Variants in CATSPERG observed in about 807,000 individuals in gnomAD.
CATSPERG encodes the protein cation channel sperm-associated auxiliary subunit gamma.
A neutral mutation model predicts 145.0 loss-of-function variants in CATSPERG; 115 were observed. The observed-to-expected ratio is 0.79, with a 90% CI of 0.68 to 0.93. The LOEUF (loss-of-function observed/expected upper bound fraction) is 0.93. Ranked by LOEUF, CATSPERG falls within the 40% of genes least tolerant of loss-of-function variation. The pLI, the probability that CATSPERG is intolerant of heterozygous loss-of-function variation, is 0.00. For synonymous variants in CATSPERG, 588 were observed against 589.0 expected (o/e 1.00, Z 0.02); for missense variants, 1,296 against 1,490.1 (o/e 0.87, Z 2.14).
chr19:38,370,241 G>A lies in CATSPERG; in HGVS notation c.3196G>A (p.Ala1066Thr), dbSNP rs745418941. Reference protein sequence around the residue: ...IHGLPLSPKRALFIIMVSASV... With the variant: ...IHGLPLSPKRTLFIIMVSASV... ...CGGGCTGCCACTCAGTCCCAAGCGG[G>A]CCCTTTTCATCATCATGGTGAGTGG... The change falls in exon 28 of 29, where the codon GCC (alanine) becomes ACC (threonine). Residue 1066 changes from alanine (A) to threonine (T), a missense_variant. Coordinates refer to ENST00000409235, the MANE Select transcript of CATSPERG (RefSeq NM_021185.5). 4.3e-6 allele frequency: 7 copies of A among 1,613,236 alleles called. No individual in the cohort carries two copies. The highest frequency in any genetic ancestry group is 2.7e-5 in the African/African-American group (2 of 74,918).
rs773800892 is a variant in CATSPERG, at chr19:38,360,675, C to T, written c.1767+28C>T. On this transcript the variant is annotated intron_variant, in intron 15 of 28. Coordinates refer to ENST00000409235, the MANE Select transcript of CATSPERG (RefSeq NM_021185.5). ...GCCCGGTGGAGCTATGCGGGGACATCGGGGCACCCCAGGAGGGCTGACCCC... is the reference window on the plus strand; with the variant it reads ...GCCCGGTGGAGCTATGCGGGGACATTGGGGCACCCCAGGAGGGCTGACCCC... 9.3e-6 allele frequency: 15 copies of T among 1,613,892 alleles called. 1 individual carries two copies. The highest frequency in any genetic ancestry group is 5.5e-5 in the South Asian group (5 of 91,084).
chr19:38,370,861 C>A lies in CATSPERG; in HGVS notation c.*69C>A. On this transcript the variant is annotated 3_prime_UTR_variant, in exon 29 of 29. Transcript: ENST00000409235. ...TATGAGGCCCATCTTGAAGATGCAA[C>A]CTGTCACCCAGCCCAGGCCTCTCTT... 1 of 1,517,768 alleles carries A rather than the reference C, an allele frequency of 6.6e-7. No individual in the cohort carries two copies. Among genetic ancestry groups the A allele is most frequent in the Non-Finnish European group, 9.1e-7 (1 of 1,103,714 alleles). 94.0% of individuals were successfully genotyped at this position (1,517,768 alleles called of 1,614,324 possible).
In CATSPERG at chr19:38,336,045, G is replaced by C. The variant is rs1302147557; in HGVS notation, c.-15+170G>C. 11 of 361,068 alleles carry C rather than the reference G, an allele frequency of 3.0e-5. No individual in the cohort carries two copies. In the Admixed American group the frequency reaches 3.2e-4, roughly 10 times the overall value. 22.4% of individuals were successfully genotyped at this position (361,068 alleles called of 1,614,324 possible). ...GGAGGGAAAGAGGGGAAGAGTCGTG[G>C]GAGCTGGCAGAGGAGGGAAAGGGGG... On this transcript the variant is annotated intron_variant, in intron 1 of 28. Coordinates refer to ENST00000409235, the MANE Select transcript of CATSPERG (RefSeq NM_021185.5).
intron 20 of CATSPERG, among the ~76,000 whole-genome samples, chr19:38,364,314 C>T (rs928881702): frequency 2.0e-5 from 3 of 151,834 alleles, no homozygotes; most frequent in Non-Finnish European, 4.4e-5. Context: ...CGCTCCTCAC[C>T]TCCCAGATGG....
intron 11 of CATSPERG, among the ~76,000 whole-genome samples, chr19:38,357,853 G>C (rs1385950481): frequency 2.0e-5 from 3 of 152,188 alleles, no homozygotes. Flanking sequence ...TCAGGAGGCT[G>C]AGGTGGAAGA....
chr19:38,344,251 C>G (rs778784757), intron 5 of CATSPERG, 45 bp from the exon 6 acceptor site: 1 of 1,545,272 alleles, frequency 6.5e-7, no homozygotes, highest in South Asian at 1.2e-5. Context: ...TGTGGAACCC[C>G]TGACACTGGG....
chr19:38,345,488 C>T lies in CATSPERG; in HGVS notation c.670-962C>T, dbSNP rs186764870. On this transcript the variant is annotated intron_variant, in intron 6 of 28. Transcript: ENST00000409235. ...GATTACAGGCGTGAGCCACTGTGCC[C>T]GGCCCATGCCCATATTCAATTTTTT... Among the ~76,000 whole-genome samples, 269 of 150,358 alleles carry T rather than the reference C, an allele frequency of 1.8e-3. 4 individuals are homozygous for T. Among genetic ancestry groups the T allele is most frequent in the Admixed American group, 0.015 (233 of 15,066 alleles).
Position 38,343,593 on chromosome 19 carries a change from T to G in CATSPERG, c.338T>G (p.Leu113Arg). ...YSCEEKPSED[L>R]VRMGHLTGLK... is the part of the protein sequence containing the mutation. ...TCTCACCCTCAGCCCTCTGAGGACCTGGTGCGCATGGGCCACCTGACGGGG... is the reference window on the plus strand; with the variant it reads ...TCTCACCCTCAGCCCTCTGAGGACCGGGTGCGCATGGGCCACCTGACGGGG... Residue 113 changes from leucine to arginine, a missense_variant, in exon 4 of 29, where the codon CTG (leucine) becomes CGG (arginine). Coordinates refer to ENST00000409235, the MANE Select transcript of CATSPERG (RefSeq NM_021185.5). The G allele has an allele frequency of 1.3e-6, 2 of 1,549,820 alleles. No homozygotes were observed. Among genetic ancestry groups the G allele is most frequent in the Non-Finnish European group, 1.7e-6 (2 of 1,146,156 alleles).
chr19:38,354,262 A>G (rs529599409), intron 8 of CATSPERG, among the ~76,000 whole-genome samples: 2 of 152,320 alleles, frequency 1.3e-5, no homozygotes, highest in East Asian at 3.9e-4. Context: ...GCCCAGGAGC[A>G]TGTTGGTTTC....
intron 1 of CATSPERG, chr19:38,336,362 G>A (rs1969836111): frequency 2.8e-6 from 1 of 363,492 alleles, no homozygotes; most frequent in African/African-American, 2.1e-5. Context: ...GGCGGGACGG[G>A]GCGACGGGCC....
At chr19:38,342,451 T>G (rs968874654) in intron 3 of CATSPERG, among the ~76,000 whole-genome samples, 2 of 151,438 alleles carry the variant, frequency 1.3e-5, no homozygotes, top group Non-Finnish European at 2.9e-5. Flanking sequence ...AATACAAAAA[T>G]TAGCTGGGCA....
At position 38,367,274 on chromosome 19, in the gene CATSPERG, A is replaced by T; in HGVS notation, c.2732A>T (p.Asn911Ile). The T allele has an allele frequency of 6.2e-7, 1 of 1,613,608 alleles. No homozygotes were observed. Among genetic ancestry groups the T allele is most frequent in the Non-Finnish European group, 8.5e-7 (1 of 1,180,012 alleles). The change falls in exon 23 of 29, where the codon AAC (asparagine) becomes ATC (isoleucine). Residue 911 changes from asparagine (N) to isoleucine (I), a missense_variant. Transcript: ENST00000409235. ...AACAAACACTACTTTGACTGCGTTA[A>T]CGTGAACCCGGAGATGCCCTGCTTT... ...LKNKHYFDCV[N>I]VNPEMPCFLF...
chr19:38,356,931 C>T (rs1600469657), intron 11 of CATSPERG, 70 bp downstream of exon 11: 3 of 1,579,800 alleles, frequency 1.9e-6, no homozygotes, highest in Non-Finnish European at 2.6e-6. Flanking sequence ...CATGCCCATC[C>T]TGAGGGATCT....
At chr19:38,336,143 A>G (rs933540988) in intron 1 of CATSPERG, 1 of 454,832 alleles carries the variant, frequency 2.2e-6, no homozygotes, top group Non-Finnish European at 4.4e-6. Context: ...TGTTAATGGC[A>G]TGGGAAGGAA....
chr19:38,337,530 C>T (rs1490978995), intron 2 of CATSPERG, 26 bp downstream of exon 2: 2 of 1,551,840 alleles, frequency 1.3e-6, no homozygotes, highest in Admixed American at 3.9e-5. Context: ...TCAAGTGAAC[C>T]AGAGGGATTT....
Position 38,359,485 on chromosome 19 carries a change from C to T in CATSPERG, c.1512C>T (p.Asn504=), listed in dbSNP as rs1418069383. The T allele has an allele frequency of 1.2e-6, 2 of 1,613,302 alleles. No homozygotes were observed. The highest frequency in any genetic ancestry group is 1.1e-5 in the South Asian group (1 of 91,066). ...NFLLQSSNKE[N]FIYLADFPKE... The stretch of plus-strand genomic sequence containing the variant: ...GTCCCTGCAGCTCTAACAAGGAAAA[C>T]TTCATCTACCTGGCAGACTTCCCCA... Residue 504 remains asparagine (N), a synonymous_variant, in exon 14 of 29, where the codon AAC becomes AAT. Coordinates refer to ENST00000409235, the MANE Select transcript of CATSPERG (RefSeq NM_021185.5).
In CATSPERG at chr19:38,337,248, C is replaced by A; in HGVS notation, c.14C>A (p.Ala5Asp). ...TCTAGCCACGTTATGTGCGGCCCAG[C>A]CATGTTCCCTGCCGGTCCTCCGTGG... MCGPAMFPAGPPWPR... is the reference protein window; with the variant it reads MCGPDMFPAGPPWPR... Residue 5 changes from alanine to aspartate, a missense_variant, in exon 2 of 29, where the codon GCC (alanine) becomes GAC (aspartate). Physicochemically the swap from Ala to Asp is moderately radical, Grantham distance 126. Coordinates refer to ENST00000409235, the MANE Select transcript of CATSPERG (RefSeq NM_021185.5). The A allele has an allele frequency of 6.4e-7, 1 of 1,551,312 alleles. No individual in the cohort carries two copies. Among genetic ancestry groups the A allele is most frequent in the East Asian group, 2.4e-5 (1 of 40,916 alleles).
intron 1 of CATSPERG, chr19:38,336,275 G>A: frequency 2.2e-6 from 1 of 451,824 alleles, no homozygotes; most frequent in Non-Finnish European, 4.5e-6. Context: ...AACAACGAAG[G>A]GCGAGGAAAG....
rs995847525 is a variant in CATSPERG, at chr19:38,361,860, A to AGGTG, written c.2094+2_2094+5dup. 1.9e-6 allele frequency: 3 copies of AGGTG among 1,601,698 alleles called. No homozygotes were observed. The African/African-American group carries it at 4.0e-5, about 22-fold the overall frequency. ...CTGTGGCTGCACTCCGTGTACGACA[A>AGGTG]GGTGGGCGTCCGGCGGCGGGCGGGC... On this transcript the variant is annotated frameshift_variant and splice_region_variant, in exon 17 of 29. Coordinates refer to ENST00000409235, the MANE Select transcript of CATSPERG (RefSeq NM_021185.5). LOFTEE classifies it high-confidence loss of function.
Sources: allele counts gnomAD v4.1 joint callset (sites outside exome capture counted in the v4.1 genomes callset), GRCh38; gene constraint gnomAD v4.1.1; transcripts MANE v1.5; gene names NCBI Gene and HGNC (gene_info 2026-07-23, HGNC 2026-07-21).